Variants in SYT1 observed in about 807,000 individuals in gnomAD.
SYT1 encodes synaptotagmin-1.
A neutral mutation model predicts 44.8 loss-of-function variants in SYT1; 8 were observed. The ratio of observed to expected loss-of-function variants is 0.18; its 90% confidence interval spans 0.10 to 0.32. The LOEUF is 0.32. Ranked by LOEUF, SYT1 falls within the 10% of genes least tolerant of loss-of-function variation. SYT1 has a pLI of 1.00. For missense variants in SYT1, 286 were observed against 509.3 expected (o/e 0.56, Z 4.22); for synonymous variants, 154 against 188.8 (o/e 0.82, Z 1.51).
chr12:79,439,179 G>T (rs530016784), intron 9 of SYT1, among the ~76,000 whole-genome samples: 2 of 152,220 alleles, frequency 1.3e-5, no homozygotes, highest in Middle Eastern at 3.4e-3. Flanking sequence ...CTGGAAAGAA[G>T]CTCAGTAAAT....
chr12:79,129,143 CG>C (rs1169591830), intron 3 of SYT1, among the ~76,000 whole-genome samples: 1 of 152,090 alleles, frequency 6.6e-6, no homozygotes, highest in Non-Finnish European at 1.5e-5. Flanking sequence ...TTTAAAAATG[CG>C]TGGTTAACCA....
At chr12:78,958,990 T>A (rs1879363248) in intron 1 of SYT1, among the ~76,000 whole-genome samples, 1 of 152,182 alleles carries the variant, frequency 6.6e-6, no homozygotes, top group African/African-American at 2.4e-5. Context: ...TCCATTTAGT[T>A]ACTTTGCAAA....
At chr12:78,926,375 C>T (rs187101663) in intron 1 of SYT1, among the ~76,000 whole-genome samples, 3 of 152,096 alleles carry the variant, frequency 2.0e-5, no homozygotes, top group East Asian at 1.9e-4. Context: ...GATTCTAATA[C>T]GTATATTTTA....
intron 8 of SYT1, among the ~76,000 whole-genome samples, chr12:79,337,404 G>A: frequency 6.6e-6 from 1 of 152,102 alleles, no homozygotes. Context: ...GAACTAAAAA[G>A]AGAAAAATAC....
At chr12:79,098,287 T>A (rs1878262669) in intron 3 of SYT1, among the ~76,000 whole-genome samples, 1 of 152,022 alleles carries the variant, frequency 6.6e-6, no homozygotes, top group African/African-American at 2.4e-5. Flanking sequence ...GGGGAGAAAG[T>A]GGCCCCTAAT....
intron 8 of SYT1, among the ~76,000 whole-genome samples, chr12:79,339,357 C>T (rs1882251231): frequency 6.6e-6 from 1 of 152,184 alleles, no homozygotes; most frequent in South Asian, 2.1e-4. Flanking sequence ...TTAATGATCG[C>T]CATTCTAACT....
intron 8 of SYT1, among the ~76,000 whole-genome samples, chr12:79,313,400 T>G (rs1880904928): frequency 6.6e-6 from 1 of 152,222 alleles, no homozygotes; most frequent in Admixed American, 6.5e-5. Context: ...CTGCCTTCTT[T>G]AGCAGTATTT....
chr12:79,320,536 G>T (rs191297528), intron 8 of SYT1, among the ~76,000 whole-genome samples: 220 of 151,880 alleles, frequency 1.4e-3, no homozygotes, highest in Admixed American at 5.3e-3. Context: ...ATGAGGAACA[G>T]TTGTCATTTT....
intron 1 of SYT1, among the ~76,000 whole-genome samples, chr12:78,874,302 A>T (rs965055682): frequency 1.3e-5 from 2 of 151,598 alleles, no homozygotes; most frequent in African/African-American, 4.8e-5. Flanking sequence ...CACAATCAAT[A>T]AACTCATAAA....
chr12:78,988,277 C>T (rs923901564), intron 2 of SYT1, among the ~76,000 whole-genome samples: 14 of 151,288 alleles, frequency 9.3e-5, no homozygotes, highest in Non-Finnish European at 1.9e-4. Context: ...AACAAATAAA[C>T]AATAAACAAC....
intron 4 of SYT1, among the ~76,000 whole-genome samples, chr12:79,219,367 T>C (rs975368346): frequency 6.6e-6 from 1 of 152,108 alleles, no homozygotes; most frequent in African/African-American, 2.4e-5. Context: ...TATAATCCCA[T>C]TCGTCTATTT....
intron 3 of SYT1, among the ~76,000 whole-genome samples, chr12:79,139,703 G>A (rs1213994672): frequency 6.6e-6 from 1 of 152,178 alleles, no homozygotes; most frequent in Non-Finnish European, 1.5e-5. Flanking sequence ...CTAAGTTGGA[G>A]TGCTTGGTGT....
chr12:79,082,706 C>T (rs1171350489), intron 3 of SYT1, among the ~76,000 whole-genome samples: 1 of 152,072 alleles, frequency 6.6e-6, no homozygotes, highest in Non-Finnish European at 1.5e-5. Context: ...TCCTGCCCTG[C>T]TGAACTATTG....
intron 3 of SYT1, among the ~76,000 whole-genome samples, chr12:79,204,541 G>C (rs1433866546): frequency 2.6e-5 from 4 of 152,168 alleles, no homozygotes; most frequent in Admixed American, 2.6e-4. Flanking sequence ...GAGCCGATTG[G>C]CTTGCTTCAA....
intron 1 of SYT1, among the ~76,000 whole-genome samples, chr12:78,941,055 CT>C (rs1384559478): frequency 1.4e-3 from 122 of 86,042 alleles, no homozygotes; most frequent in African/African-American, 3.7e-3. Flanking sequence ...CTTTTTTTTT[CT>C]TTTTTTTTCT....
intron 3 of SYT1, among the ~76,000 whole-genome samples, chr12:79,210,624 G>C (rs983226666): frequency 6.6e-6 from 1 of 151,932 alleles, no homozygotes; most frequent in African/African-American, 2.4e-5. Context: ...TAAATATACC[G>C]CAGTTTCTTT....
intron 1 of SYT1, among the ~76,000 whole-genome samples, chr12:78,903,705 A>T (rs1172622353): frequency 6.6e-6 from 1 of 152,162 alleles, no homozygotes; most frequent in Non-Finnish European, 1.5e-5. Context: ...AGATACACAT[A>T]TATTAATTTC....
intron 9 of SYT1, among the ~76,000 whole-genome samples, chr12:79,435,922 C>T (rs551315715): frequency 2.6e-5 from 4 of 152,244 alleles, no homozygotes; most frequent in South Asian, 2.1e-4. Flanking sequence ...AACAGCCCCC[C>T]GCTGAGAACC....
rs547008941 is a variant in SYT1, at chr12:79,143,948, C to G, written c.-17-73555C>G. On this transcript the variant is annotated intron_variant, in intron 3 of 10. Transcript: ENST00000261205. Reference sequence around the variant, plus strand: ...CAGAAAACAAATTGGGAGATGCGGTCCTCTGCTGTGATGTGGATTTGTGCC... The same window carrying G: ...CAGAAAACAAATTGGGAGATGCGGTGCTCTGCTGTGATGTGGATTTGTGCC... 3.5e-4 allele frequency among the ~76,000 whole-genome samples: 54 copies of G among 152,170 alleles called. 1 individual carries two copies. The South Asian group carries it at 0.01, about 29-fold the overall frequency.
Sources: allele counts gnomAD v4.1 joint callset (sites outside exome capture counted in the v4.1 genomes callset), GRCh38; gene constraint gnomAD v4.1.1; transcripts MANE v1.5; gene names NCBI Gene and HGNC (gene_info 2026-07-23, HGNC 2026-07-21).